ACTG2: variants seen among roughly 807,000 people sequenced by gnomAD.
The protein encoded by ACTG2 is actin, gamma-enteric smooth muscle.
In ACTG2, 16 loss-of-function variants were observed where a neutral mutation model predicts 37.6. The observed-to-expected ratio is 0.43, with a 90% CI of 0.29 to 0.65. The LOEUF is 0.65. ACTG2 is among the 30% of genes least tolerant of loss of function. The pLI is 0.18. For missense variants in ACTG2, 238 were observed against 490.9 expected (o/e 0.48, Z 4.87); for synonymous variants, 181 against 179.9 (o/e 1.01, Z -0.05).
At chr2:73,901,134 G>T in intron 1 of ACTG2, 142 bp from the exon 2 acceptor site, 1 of 606,996 alleles carries the variant, frequency 1.6e-6, no homozygotes. Flanking sequence ...TCAACTGCCA[G>T]TGAGTGGGAG....
chr2:73,917,708 G>GC (rs1181040932), intron 8 of ACTG2, among the ~76,000 whole-genome samples: 1 of 152,244 alleles, frequency 6.6e-6, no homozygotes, highest in Non-Finnish European at 1.5e-5. Flanking sequence ...AAGGAAGGCT[G>GC]CCCCGGGCCT....
intron 2 of ACTG2, among the ~76,000 whole-genome samples, chr2:73,902,018 C>CGTGTGT (rs71245662): frequency 0.021 from 3,039 of 146,106 alleles, 49 homozygotes; most frequent in Middle Eastern, 0.029. Flanking sequence ...GCATACAAGT[C>CGTGTGT]GTGTGTGTGT....
At chr2:73,897,085 AC>A (rs1679763314) in intron 1 of ACTG2, 1 of 151,274 alleles carries the variant, frequency 6.6e-6, no homozygotes. Flanking sequence ...TGCCTTCCCC[AC>A]CCTCACTTCG....
chr2:73,904,391 G>A lies in ACTG2; in HGVS notation c.255+1903G>A, dbSNP rs551379732. Among the ~76,000 whole-genome samples the A allele has an allele frequency of 3.3e-5, 5 of 151,708 alleles. No individual in the cohort carries two copies. The East Asian group carries it at 9.8e-4, about 30-fold the overall frequency. ...TTAAAAATAAATTATGTGCCTTAAG[G>A]CCGGGCACAGTGGCTCATACCTGTA... On this transcript the variant is annotated intron_variant, in intron 3 of 8. Transcript: ENST00000345517.
intron 5 of ACTG2, among the ~76,000 whole-genome samples, chr2:73,909,440 A>C (rs1680081650): frequency 6.6e-6 from 1 of 152,216 alleles, no homozygotes; most frequent in South Asian, 2.1e-4. Context: ...GAAAGAGTAG[A>C]ACCTGTGGTG....
rs571037970 is a variant in ACTG2, at chr2:73,919,863, A to C, written c.*288A>C. 47 of 268,174 alleles carry C rather than the reference A, an allele frequency of 1.8e-4. No individual in the cohort carries two copies. The highest frequency in any genetic ancestry group is 1.0e-3 in the African/African-American group (47 of 45,128). 16.6% of individuals were successfully genotyped at this position (268,174 alleles called of 1,614,324 possible). A position where few individuals can be genotyped will look rare whatever the true frequency, so the allele number is the denominator to read the frequency against. On this transcript the variant is annotated 3_prime_UTR_variant, in exon 9 of 9. Coordinates refer to ENST00000345517, the MANE Select transcript of ACTG2 (RefSeq NM_001615.4). Reference sequence around the variant, plus strand: ...GATTAAAATTCAAGTATCTGACTGCAAAGCTAGTGCTCCTTCTACTGTGTC... The same window carrying C: ...GATTAAAATTCAAGTATCTGACTGCCAAGCTAGTGCTCCTTCTACTGTGTC...
intron 1 of ACTG2, among the ~76,000 whole-genome samples, chr2:73,894,728 C>T (rs114622520): frequency 1.5e-5 from 1 of 66,368 alleles, no homozygotes; most frequent in Non-Finnish European, 2.8e-5. Flanking sequence ...AAGTAAGGAC[C>T]AAGCTTGGTC....
At chr2:73,900,854 G>T (rs1679857447) in intron 1 of ACTG2, among the ~76,000 whole-genome samples, 1 of 151,860 alleles carries the variant, frequency 6.6e-6, no homozygotes, top group Non-Finnish European at 1.5e-5. Context: ...TCTTTCTTTG[G>T]CTTGTATATG....
intron 3 of ACTG2, among the ~76,000 whole-genome samples, chr2:73,903,992 C>CTCA (rs1432812769): frequency 4.1e-5 from 6 of 147,522 alleles, no homozygotes; most frequent in Non-Finnish European, 4.5e-5. Context: ...AGGCCAGTGG[C>CTCA]TCATGCCTGT....
Position 73,914,757 on chromosome 2 carries a change from G to C in ACTG2, c.691G>C (p.Ala231Pro). The C allele has an allele frequency of 6.2e-7, 1 of 1,612,696 alleles. No homozygotes were observed. ...GGATTTTGAGAATGAGATGGCCACA[G>C]CAGCTTCCTCTTCCTCCCTGGAGAA... ...ALDFENEMAT[A>P]ASSSSLEKSY... Residue 231 changes from alanine (A) to proline (P), a missense_variant, in exon 7 of 9, where the codon GCA becomes CCA. By Grantham distance (27) the Ala-to-Pro change is conservative (BLOSUM62 -1). Coordinates refer to ENST00000345517, the MANE Select transcript of ACTG2 (RefSeq NM_001615.4).
intron 7 of ACTG2, among the ~76,000 whole-genome samples, chr2:73,916,159 CA>C (rs1165515871): frequency 6.6e-6 from 1 of 152,038 alleles, no homozygotes; most frequent in African/African-American, 2.4e-5. Context: ...GAGTGGATCA[CA>C]AGGTCAGGAG....
intron 3 of ACTG2, among the ~76,000 whole-genome samples, chr2:73,906,334 C>G (rs1204604911): frequency 6.6e-6 from 1 of 151,858 alleles, no homozygotes; most frequent in African/African-American, 2.4e-5. Context: ...ACCCGTAGTC[C>G]CAGCTACTCG....
At position 73,909,150 on chromosome 2, in the gene ACTG2, C is replaced by T. The variant is rs1449987987; in HGVS notation, c.451+11C>T. The stretch of plus-strand genomic sequence containing the variant: ...CTGGCCGCACGACAGGTGAGTAATC[C>T]TGTAATCCATTCCTTTTCTGACTTC... On this transcript the variant is annotated intron_variant, in intron 5 of 8. Transcript: ENST00000345517. 1 of 1,607,214 alleles carries T rather than the reference C, an allele frequency of 6.2e-7. No individual in the cohort carries two copies. Among genetic ancestry groups the T allele is most frequent in the Admixed American group, 1.7e-5 (1 of 59,988 alleles).
chr2:73,901,530 AAATG>A, intron 2 of ACTG2, 93 bp downstream of exon 2: 1 of 1,189,366 alleles, frequency 8.4e-7, no homozygotes, highest in East Asian at 4.0e-5. Context: ...TAGGGGAAGG[AAATG>A]TGTGTGTGTG....
chr2:73,907,303 G>A (rs1042991303), intron 3 of ACTG2, among the ~76,000 whole-genome samples: 3 of 151,934 alleles, frequency 2.0e-5, no homozygotes, highest in African/African-American at 7.3e-5. Flanking sequence ...CAAACCTGGC[G>A]GTCCATAAAT....
intron 3 of ACTG2, among the ~76,000 whole-genome samples, chr2:73,907,967 A>G (rs1680048422): frequency 6.6e-6 from 1 of 152,258 alleles, no homozygotes; most frequent in African/African-American, 2.4e-5. Context: ...AGCAGGAGAT[A>G]GTGTACACTC....
At position 73,916,743 on chromosome 2, in the gene ACTG2, C is replaced by G. The variant is rs1369788410; in HGVS notation, c.965C>G (p.Ala322Gly). ...ATGCAGAAGGAGATCACAGCCCTGG[C>G]CCCCAGCACCATGAAGATCAAGGTG... ...DRMQKEITAL[A>G]PSTMKIKIIA... Residue 322 changes from alanine (A) to glycine (G), a missense_variant, in exon 8 of 9, where the codon GCC (alanine) becomes GGC (glycine). Physicochemically the swap from Ala to Gly is moderately conservative, Grantham distance 60. Coordinates refer to ENST00000345517, the MANE Select transcript of ACTG2 (RefSeq NM_001615.4). The G allele has an allele frequency of 6.2e-7, 1 of 1,613,748 alleles. No homozygotes were observed.
In ACTG2 at chr2:73,919,741, A is replaced by G. The variant is rs565364668; in HGVS notation, c.*166A>G. The stretch of plus-strand genomic sequence containing the variant: ...ACACATTACTTTTAATCCATGCAAT[A>G]GTGCTGTAAGGTAGGTGCTATCATT... On this transcript the variant is annotated 3_prime_UTR_variant, in exon 9 of 9. Coordinates refer to ENST00000345517, the MANE Select transcript of ACTG2 (RefSeq NM_001615.4). The G allele has an allele frequency of 1.4e-6, 1 of 714,490 alleles. No individual in the cohort carries two copies. The highest frequency in any genetic ancestry group is 3.2e-5 in the Admixed American group (1 of 31,724). 44.3% of individuals were successfully genotyped at this position (714,490 alleles called of 1,614,324 possible).
At chr2:73,901,168 T>C in intron 1 of ACTG2, 108 bp from the exon 2 acceptor site, 9 of 916,518 alleles carry the variant, frequency 9.8e-6, no homozygotes, top group Non-Finnish European at 1.4e-5. Context: ...CTGTCCCTCC[T>C]GGAAGTGTGC....
Sources: gnomAD v4.1 joint callset for allele counts (sites outside exome capture counted in the v4.1 genomes callset) on GRCh38, gnomAD v4.1.1 for gene constraint, MANE v1.5 for transcripts, NCBI Gene and HGNC (gene_info 2026-07-23, HGNC 2026-07-21) for gene names.